Variants in VMA22 observed in about 807,000 individuals in gnomAD.
The protein encoded by VMA22 is vacuolar ATPase assembly factor VMA22.
At chr2:130,341,346 C>T in the VMA22 span, 1 of 539,040 alleles carries the variant, frequency 1.9e-6, no homozygotes, top group Non-Finnish European at 3.3e-6. Context: ...GACGTTCCAA[C>T]TCCCCATTCT....
At chr2:130,342,077 G>C in the VMA22 span, 1 of 1,613,878 alleles carries the variant, frequency 6.2e-7, no homozygotes, top group South Asian at 1.1e-5. Context: ...TCCCCAAGCA[G>C]CTGCAGGACC....
the VMA22 span, chr2:130,342,009 G>A: frequency 1.2e-6 from 2 of 1,613,566 alleles, no homozygotes; most frequent in Admixed American, 1.7e-5. Context: ...CGCCCCAGGC[G>A]CCTACCTCCT....
chr2:130,341,606 A>G, the VMA22 span: 13 of 1,370,642 alleles, frequency 9.5e-6, no homozygotes, highest in Admixed American at 5.8e-5. Context: ...AATCATCTCC[A>G]TAATTTGCAT....
chr2:130,340,288 C>T, the VMA22 span: 1 of 168,444 alleles, frequency 5.9e-6, no homozygotes, highest in Non-Finnish European at 1.3e-5. Context: ...TACTTCCTCC[C>T]TCTGCTCTGT....
At chr2:130,340,367 C>G in the VMA22 span, 3 of 180,218 alleles carry the variant, frequency 1.7e-5, no homozygotes, top group South Asian at 2.0e-4. Flanking sequence ...TGCTCAGAGC[C>G]TCTCTGTGGG....
At chr2:130,342,229 TC>T in the VMA22 span, 1 of 1,551,480 alleles carries the variant, frequency 6.4e-7, no homozygotes, top group African/African-American at 1.4e-5. Context: ...GGCGTTCCCA[TC>T]TGGGGATCCC....
the VMA22 span, chr2:130,341,866 C>T: frequency 8.6e-6 from 12 of 1,387,912 alleles, no homozygotes; most frequent in Non-Finnish European, 1.2e-5. Flanking sequence ...ACCTGGGGCT[C>T]CATGTGGGAA....
the VMA22 span, chr2:130,339,307 G>T: frequency 6.9e-7 from 1 of 1,440,924 alleles, no homozygotes; most frequent in Non-Finnish European, 9.6e-7. Context: ...GATATCCCCA[G>T]AAATTGGAAA....
At chr2:130,339,310 A>G in the VMA22 span, 2 of 1,429,852 alleles carry the variant, frequency 1.4e-6, no homozygotes, top group East Asian at 4.9e-5. Flanking sequence ...ATCCCCAGAA[A>G]TTGGAAAGGC....
the VMA22 span, chr2:130,339,487 C>T: frequency 1.5e-6 from 2 of 1,364,132 alleles, no homozygotes; most frequent in Admixed American, 6.0e-5. Flanking sequence ...ACTAAAAATT[C>T]ACAGATAGTA....
chr2:130,342,294 T>C, the VMA22 span: 1 of 1,343,836 alleles, frequency 7.4e-7, no homozygotes, highest in South Asian at 1.3e-5. Context: ...CAAGCGCCCT[T>C]AGAGAAGCAG....
At chr2:130,341,951 G>A in the VMA22 span, 7 of 1,613,212 alleles carry the variant, frequency 4.3e-6, no homozygotes, top group South Asian at 6.6e-5. Flanking sequence ...AGCCCTGCAG[G>A]GAGAGGAAAG....
the VMA22 span, chr2:130,341,773 G>C: frequency 3.2e-3 from 5,195 of 1,607,982 alleles, 13 homozygotes; most frequent in Non-Finnish European, 4.1e-3. Context: ...AGGGAGGATG[G>C]AGCTTTGGCA....
the VMA22 span, chr2:130,342,196 G>A: frequency 1.3e-6 from 2 of 1,579,782 alleles, no homozygotes; most frequent in South Asian, 2.3e-5. Flanking sequence ...CAGCCAATAG[G>A]CACACGAGAT....
At chr2:130,339,730 G>C in the VMA22 span, 1 of 1,304,228 alleles carries the variant, frequency 7.7e-7, no homozygotes, top group Non-Finnish European at 1.0e-6. Context: ...ACTCGCTCCA[G>C]GAAACACTTT....
chr2:130,338,919 A>C, the VMA22 span: 1 of 573,392 alleles, frequency 1.7e-6, no homozygotes, highest in Non-Finnish European at 3.1e-6. Context: ...AATGGTTTCA[A>C]AGTAGTGGCT....
chr2:130,339,356 C>T, the VMA22 span: 1 of 1,341,750 alleles, frequency 7.5e-7, no homozygotes, highest in Non-Finnish European at 1.0e-6. Context: ...TGTCCCAAAA[C>T]ATTCCAGGTA....
At chr2:130,339,417 G>A in the VMA22 span, 1 of 1,417,948 alleles carries the variant, frequency 7.1e-7, no homozygotes, top group East Asian at 2.6e-5. Flanking sequence ...ACCTCCTTCA[G>A]GTCTTTGCTA....
At chr2:130,339,247 A>G in the VMA22 span, 5 of 1,607,308 alleles carry the variant, frequency 3.1e-6, no homozygotes, top group Admixed American at 5.0e-5. Context: ...AGGAAAGGAG[A>G]GAAGGTCACC....
Sources: gnomAD v4.1 joint callset for allele counts on GRCh38, gnomAD v4.1.1 for gene constraint, MANE v1.5 for transcripts, NCBI Gene and HGNC (gene_info 2026-07-23, HGNC 2026-07-21) for gene names.